The following TBCD variants were observed in gnomAD, a reference collection of about 807,000 sequenced individuals.
TBCD encodes the protein tubulin folding cofactor D.
In TBCD, 105 loss-of-function variants were observed where a neutral mutation model predicts 169.3. The observed-to-expected ratio is 0.62, with a 90% CI of 0.53 to 0.73. The LOEUF is 0.73. Among genes scored for constraint, TBCD ranks in the 30% least tolerant of loss-of-function variants. The pLI is 0.00. For synonymous variants in TBCD, 700 were observed against 643.9 expected, an observed-to-expected ratio of 1.09 and a Z score of -1.32; for missense variants, 1,444 against 1,600.1, an observed-to-expected ratio of 0.90 and a Z score of 1.66.
chr17:82,904,400 C>A (rs2060095973), intron 19 of TBCD, among the ~76,000 whole-genome samples: 1 of 152,208 alleles, frequency 6.6e-6, no homozygotes, highest in Non-Finnish European at 1.5e-5. Flanking sequence ...TGGCTTGCAC[C>A]TGCCACACGT....
intron 24 of TBCD, chr17:82,921,190 C>G: frequency 4.5e-6 from 2 of 443,612 alleles, no homozygotes; most frequent in Non-Finnish European, 8.1e-6. Context: ...TGGTGGGAGC[C>G]GGGGGAGACC....
chr17:82,820,454 A>G (rs2052322584), intron 13 of TBCD, among the ~76,000 whole-genome samples: 1 of 152,230 alleles, frequency 6.6e-6, no homozygotes, highest in Non-Finnish European at 1.5e-5. Context: ...TGATTTGGGT[A>G]ATAATAACTA....
At chr17:82,804,037 C>T (rs149447646) in intron 9 of TBCD, among the ~76,000 whole-genome samples, 2,720 of 12,038 alleles carry the variant, frequency 0.23, 118 homozygotes, top group Admixed American at 0.3. Context: ...GGGGCGTTAG[C>T]GGGGAGTGGG....
At chr17:82,809,530 C>CCCTG (rs989440445) in intron 11 of TBCD, among the ~76,000 whole-genome samples, 178 bp from the exon 12 acceptor site, 1 of 152,188 alleles carries the variant, frequency 6.6e-6, no homozygotes, top group Non-Finnish European at 1.5e-5. Flanking sequence ...GGCTCCTTTA[C>CCCTG]CCTGCAGCGT....
chr17:82,911,848 A>AGG, intron 23 of TBCD, 59 bp downstream of exon 23: 1 of 1,597,788 alleles, frequency 6.3e-7, no homozygotes, highest in South Asian at 1.1e-5. Context: ...TCGTTGAGGG[A>AGG]GGTGTGCTCG....
intron 13 of TBCD, chr17:82,860,434 G>T (rs1243669298): frequency 1.0e-6 from 1 of 985,506 alleles, no homozygotes; most frequent in Non-Finnish European, 1.2e-6. Flanking sequence ...GACAGACACA[G>T]GTGGAAGGAA....
chr17:82,863,462 T>C (rs962999823), intron 13 of TBCD, among the ~76,000 whole-genome samples: 26 of 151,850 alleles, frequency 1.7e-4, no homozygotes, highest in African/African-American at 6.3e-4. Flanking sequence ...TTCTGAAAAA[T>C]TGCAAATGAT....
At chr17:82,781,018 G>T (rs1033617175) in intron 6 of TBCD, among the ~76,000 whole-genome samples, 1 of 151,966 alleles carries the variant, frequency 6.6e-6, no homozygotes, top group Non-Finnish European at 1.5e-5. Context: ...CAAGAGGGGT[G>T]GGGAGTGTGA....
intron 13 of TBCD, among the ~76,000 whole-genome samples, chr17:82,817,538 C>T (rs2052026132): frequency 6.7e-6 from 1 of 149,276 alleles, no homozygotes; most frequent in African/African-American, 2.4e-5. Context: ...CTCAAGCGAT[C>T]CCCCCGCTTC....
chr17:82,942,258 G>A (rs1052009040), intron 38 of TBCD, 191 bp from the exon 39 acceptor site: 12 of 693,618 alleles, frequency 1.7e-5, no homozygotes, highest in Middle Eastern at 3.8e-4. Context: ...GTGCCCTTCC[G>A]AGGACACGTT....
At chr17:82,885,744 G>C (rs983084407) in intron 15 of TBCD, among the ~76,000 whole-genome samples, 6 of 151,660 alleles carry the variant, frequency 4.0e-5, no homozygotes, top group African/African-American at 1.5e-4. Flanking sequence ...TGAATATGAA[G>C]TGAAATAATA....
At chr17:82,883,668 T>C (rs2058526320) in intron 14 of TBCD, among the ~76,000 whole-genome samples, 1 of 152,246 alleles carries the variant, frequency 6.6e-6, no homozygotes, top group African/African-American at 2.4e-5. Flanking sequence ...GCTCTGTGCA[T>C]GGCGTGGTCT....
At chr17:82,790,224 G>T (rs2049610046) in intron 7 of TBCD, among the ~76,000 whole-genome samples, 1 of 152,186 alleles carries the variant, frequency 6.6e-6, no homozygotes, top group African/African-American at 2.4e-5. Flanking sequence ...CCTCTCCTGT[G>T]GCTGTCGGCT....
intron 14 of TBCD, 83 bp downstream of exon 14, chr17:82,870,463 C>G: frequency 6.7e-7 from 1 of 1,491,618 alleles, no homozygotes; most frequent in South Asian, 1.3e-5. Flanking sequence ...GAGGTGTGCA[C>G]AGCAGATGCT....
chr17:82,817,554 C>T (rs2052029047), intron 13 of TBCD, among the ~76,000 whole-genome samples: 1 of 152,204 alleles, frequency 6.6e-6, no homozygotes, highest in Non-Finnish European at 1.5e-5. Context: ...GCTTCAGCCT[C>T]CCAAAGTGCT....
intron 13 of TBCD, among the ~76,000 whole-genome samples, chr17:82,857,002 G>T (rs552741905): frequency 1.3e-5 from 2 of 151,966 alleles, no homozygotes; most frequent in East Asian, 3.9e-4. Context: ...GCTGGACCGC[G>T]TGCGGACCCT....
chr17:82,932,170 G>A, intron 33 of TBCD: 1 of 216,244 alleles, frequency 4.6e-6, no homozygotes, highest in Non-Finnish European at 9.2e-6. Context: ...CTAATCCGTG[G>A]TCACTGAGAT....
rs1200664591 is a variant in TBCD at position 82,782,457 on chromosome 17, A to G, written c.771+736A>G. 2.0e-5 allele frequency among the ~76,000 whole-genome samples: 3 copies of G among 152,044 alleles called. No individual in the cohort carries two copies. Among genetic ancestry groups the G allele is most frequent in the South Asian group, 4.1e-4 (2 of 4,824 alleles). ...TGAGAGCACTTCTCATCCTTGTCTC[A>G]CGCTGTGGAGCCTGTGGTCCCTCTG... On this transcript the variant is annotated intron_variant, in intron 7 of 38. Coordinates refer to ENST00000355528, the MANE Select transcript of TBCD (RefSeq NM_005993.5). The surrounding 1 kb of genome is among the most constrained non-coding windows in gnomAD (Gnocchi z 5.1).
intron 7 of TBCD, among the ~76,000 whole-genome samples, chr17:82,786,224 A>G (rs1385886691): frequency 1.3e-5 from 2 of 152,090 alleles, no homozygotes; most frequent in African/African-American, 4.8e-5. Flanking sequence ...TCTGCCCTCT[A>G]GGATTCCCTC....
Sources: gnomAD v4.1 joint callset for allele counts (sites outside exome capture counted in the v4.1 genomes callset) on GRCh38, gnomAD v4.1.1 for gene constraint, Gnocchi (gnomAD v3.1) non-coding constraint, MANE v1.5 for transcripts, NCBI Gene and HGNC (gene_info 2026-07-23, HGNC 2026-07-21) for gene names.